The following HIVEP3 variants were observed in gnomAD, a reference collection of about 807,000 sequenced individuals.
HIVEP3 encodes the protein transcription factor HIVEP3.
Under a neutral mutation model 152.8 loss-of-function variants are expected in HIVEP3, and 49 were observed. The ratio of observed to expected loss-of-function variants is 0.32; its 90% CI spans 0.26 to 0.41. The LOEUF (loss-of-function observed/expected upper bound fraction) is 0.41, where lower values mean the gene tolerates loss of function less well. Ranked by LOEUF, HIVEP3 falls within the 10% of genes least tolerant of loss-of-function variation. The probability of loss-of-function intolerance (pLI) is 1.00; values close to 1 mark genes in which losing one functional copy is unlikely to be tolerated. For missense variants in HIVEP3, 2,790 were observed against 3,103.3 expected, an observed-to-expected ratio of 0.90 and a Z score of 2.40; for synonymous variants, 1,269 against 1,289.0, an observed-to-expected ratio of 0.98 and a Z score of 0.33.
chr1:41,546,063 G>A (rs1643796714), intron 5 of HIVEP3, among the ~76,000 whole-genome samples: 1 of 152,224 alleles, frequency 6.6e-6, no homozygotes, highest in Admixed American at 6.5e-5. Context: ...TGGCCCCTCT[G>A]AGTTTAGTGC....
intron 5 of HIVEP3, chr1:41,542,810 G>A (rs1286781650): frequency 1.8e-5 from 3 of 164,732 alleles, no homozygotes; most frequent in African/African-American, 2.4e-5. Context: ...CACATGATCC[G>A]TATGACACGG....
intron 1 of HIVEP3, among the ~76,000 whole-genome samples, chr1:41,888,994 C>T (rs376740602): frequency 0.022 from 3,236 of 147,278 alleles, 64 homozygotes; most frequent in Middle Eastern, 0.028. Context: ...GCCACACACA[C>T]ACCACATACC....
chr1:41,793,911 T>A (rs1426654983), intron 1 of HIVEP3, among the ~76,000 whole-genome samples: 1 of 152,224 alleles, frequency 6.6e-6, no homozygotes, highest in Non-Finnish European at 1.5e-5. Flanking sequence ...CACTGAAATA[T>A]TTTTATATAC....
In HIVEP3 at chr1:41,527,864, CCT is replaced by C. The variant is rs144504592; in HGVS notation, c.5208-2956_5208-2955del. Among the ~76,000 whole-genome samples the C allele has an allele frequency of 9.4e-3, 1,390 of 148,108 alleles. 13 individuals carry two copies. Among genetic ancestry groups the C allele is most frequent in the Non-Finnish European group, 0.014 (927 of 66,664 alleles). On this transcript the variant is annotated intron_variant, in intron 5 of 8. Transcript: ENST00000372583. ...ACTTCCCCACCCTCACCCTCACACC[CCT>C]GTCGTCACACATTCACACTCACACC... is the stretch of plus-strand genomic sequence containing the variant.
chr1:41,644,164 G>C (rs565866712), intron 2 of HIVEP3, among the ~76,000 whole-genome samples: 137 of 152,186 alleles, frequency 9.0e-4, no homozygotes, highest in South Asian at 1.7e-3. Context: ...GGGATTACAG[G>C]TGTGAGCCAC....
chr1:41,856,872 T>C (rs993445608), intron 1 of HIVEP3, among the ~76,000 whole-genome samples: 7 of 152,154 alleles, frequency 4.6e-5, no homozygotes, highest in Admixed American at 2.0e-4. Flanking sequence ...GTGGGATGCC[T>C]GGGGTTGCAA....
chr1:41,659,628 GCTGCGGTCCTTGC>G (rs911782563), intron 2 of HIVEP3, among the ~76,000 whole-genome samples: 14 of 152,234 alleles, frequency 9.2e-5, no homozygotes, highest in African/African-American at 3.4e-4. Context: ...TCTGCTAGAT[GCTGCGGTCCTTGC>G]CCTCACAGTG....
At chr1:41,749,206 T>G (rs559441185) in intron 1 of HIVEP3, among the ~76,000 whole-genome samples, 1 of 152,278 alleles carries the variant, frequency 6.6e-6, no homozygotes, top group East Asian at 1.9e-4. Flanking sequence ...AAGAGGTTTG[T>G]TTGAAATTTG....
Position 41,639,644 on chromosome 1 carries a change from CCA to C in HIVEP3, c.-720-10699_-720-10698del, listed in dbSNP as rs1270362017. 1.3e-4 allele frequency among the ~76,000 whole-genome samples: 20 copies of C among 152,250 alleles called. No individual in the cohort carries two copies. In the East Asian group the frequency reaches 3.5e-3, roughly 26 times the overall value. ...TGGGGTTTGGGGTTGGCTCTGTGAC[CCA>C]CCTCCCTCTCTGTGGTCAGCCTTCC... On this transcript the variant is annotated intron_variant, in intron 2 of 8. Coordinates refer to ENST00000372583, the MANE Select transcript of HIVEP3 (RefSeq NM_024503.5).
At chr1:42,000,349 T>C (rs1001751088) in intron 1 of HIVEP3, among the ~76,000 whole-genome samples, 3 of 152,110 alleles carry the variant, frequency 2.0e-5, no homozygotes, top group Non-Finnish European at 2.9e-5. Flanking sequence ...ATTGGACAAA[T>C]TGCCCTTCCC....
At chr1:41,766,251 T>C (rs1648002440) in intron 1 of HIVEP3, among the ~76,000 whole-genome samples, 2 of 152,220 alleles carry the variant, frequency 1.3e-5, no homozygotes, top group Non-Finnish European at 2.9e-5. Context: ...TATCTGGCAA[T>C]GTCTGGAAAC....
intron 1 of HIVEP3, among the ~76,000 whole-genome samples, chr1:42,031,021 C>T (rs965699544): frequency 2.6e-5 from 4 of 152,206 alleles, no homozygotes; most frequent in African/African-American, 9.7e-5. Context: ...AGTGCTCAGA[C>T]TCTCTCATCA....
At chr1:41,795,305 TTTGTC>T (rs1180833113) in intron 1 of HIVEP3, among the ~76,000 whole-genome samples, 8 of 152,178 alleles carry the variant, frequency 5.3e-5, no homozygotes, top group African/African-American at 9.7e-5. Context: ...TCAATTTGGA[TTTGTC>T]TTATGTTTTC....
chr1:41,966,475 C>CTTTTTT (rs58470482), intron 1 of HIVEP3, among the ~76,000 whole-genome samples: 1 of 95,822 alleles, frequency 1.0e-5, no homozygotes, highest in East Asian at 4.2e-4. Context: ...GTGCTGTATT[C>CTTTTTT]TTTTTTTTTT....
chr1:41,727,811 G>C (rs921505896), intron 1 of HIVEP3, among the ~76,000 whole-genome samples: 30 of 152,188 alleles, frequency 2.0e-4, no homozygotes, highest in Non-Finnish European at 2.4e-4. Flanking sequence ...CTTCCTGCTG[G>C]GTCATTCTGG....
At chr1:41,959,409 A>G (rs1351739266) in intron 1 of HIVEP3, among the ~76,000 whole-genome samples, 2 of 152,246 alleles carry the variant, frequency 1.3e-5, no homozygotes, top group Non-Finnish European at 2.9e-5. Flanking sequence ...CTGATCCTGC[A>G]TAAATTCACT....
chr1:41,890,773 T>C (rs758073375), intron 1 of HIVEP3, among the ~76,000 whole-genome samples: 1 of 152,220 alleles, frequency 6.6e-6, no homozygotes, highest in Non-Finnish European at 1.5e-5. Flanking sequence ...CAATTGTCTA[T>C]AACCCTGGGG....
intron 2 of HIVEP3, among the ~76,000 whole-genome samples, chr1:41,686,263 G>A (rs1399229609): frequency 6.6e-6 from 1 of 151,924 alleles, no homozygotes; most frequent in Non-Finnish European, 1.5e-5. Flanking sequence ...TAGTAGAGAT[G>A]GGGTTTCACC....
intron 1 of HIVEP3, among the ~76,000 whole-genome samples, chr1:41,904,088 G>T (rs1436389099): frequency 6.6e-6 from 1 of 151,830 alleles, no homozygotes; most frequent in Non-Finnish European, 1.5e-5. Context: ...GTAGAGATGG[G>T]GTATTGCTAC....
Sources: gnomAD v4.1 joint callset for allele counts (sites outside exome capture counted in the v4.1 genomes callset) on GRCh38, gnomAD v4.1.1 for gene constraint, MANE v1.5 for transcripts, NCBI Gene and HGNC (gene_info 2026-07-23, HGNC 2026-07-21) for gene names.